EPB41L2: variants seen among roughly 807,000 people sequenced by gnomAD.
EPB41L2 encodes erythrocyte membrane protein band 4.1 like 2.
In EPB41L2, 43 loss-of-function variants were observed where a neutral mutation model predicts 113.0. The ratio of observed to expected loss-of-function variants is 0.38; its 90% CI spans 0.30 to 0.49. The LOEUF is 0.49. Ranked by LOEUF, EPB41L2 falls within the 20% of genes least tolerant of loss-of-function variation. The probability of loss-of-function intolerance (pLI) is 0.95; values close to 1 mark genes in which losing one functional copy is unlikely to be tolerated. For synonymous variants in EPB41L2, 442 were observed against 436.7 expected, an observed-to-expected ratio of 1.01 and a Z score of -0.15; for missense variants, 1,147 against 1,223.4, an observed-to-expected ratio of 0.94 and a Z score of 0.93.
chr6:131,028,696 A>T (rs7742376), intron 1 of EPB41L2, among the ~76,000 whole-genome samples: 1 of 151,956 alleles, frequency 6.6e-6, no homozygotes, highest in Non-Finnish European at 1.5e-5. Context: ...TATCGCATAA[A>T]ACCAGTTTCA....
At chr6:130,893,972 A>G (rs1793777831) in intron 10 of EPB41L2, among the ~76,000 whole-genome samples, 1 of 152,158 alleles carries the variant, frequency 6.6e-6, no homozygotes, top group Non-Finnish European at 1.5e-5. Flanking sequence ...TAGAGTCAGA[A>G]AGTGGAGCTC....
intron 12 of EPB41L2, among the ~76,000 whole-genome samples, chr6:130,884,863 T>C (rs1329246541): frequency 6.6e-6 from 1 of 152,150 alleles, no homozygotes; most frequent in Admixed American, 6.5e-5. Context: ...ATGAGGACAG[T>C]CAAAAAGGCC....
chr6:131,019,563 G>A (rs1788989702), intron 1 of EPB41L2, among the ~76,000 whole-genome samples: 1 of 152,140 alleles, frequency 6.6e-6, no homozygotes, highest in Non-Finnish European at 1.5e-5. Context: ...TAGCATGGTA[G>A]AGAATTATAC....
At chr6:130,894,169 ACC>A (rs1793849520) in intron 10 of EPB41L2, among the ~76,000 whole-genome samples, 173 bp downstream of exon 10, 2 of 152,140 alleles carry the variant, frequency 1.3e-5, no homozygotes, top group African/African-American at 2.4e-5. Context: ...TAAAAGCAAT[ACC>A]AAGCTGTTTT....
In EPB41L2 at chr6:130,890,413, T is replaced by G. The variant is rs1238722029; in HGVS notation, c.1541A>C (p.Lys514Thr). ...TTGGGTGCGGCCACTATAGCGAAAT[T>G]TGGACCCCAAGGTCAGGAACTTGGC... is the stretch of plus-strand genomic sequence containing the variant. ...PKAKFLTLGS[K>T]FRYSGRTQAQ... The change falls in exon 11 of 20, where the codon AAA becomes ACA. Residue 514 changes from lysine to threonine, a missense_variant. Physicochemically the swap from Lys to Thr is moderately conservative, Grantham distance 78 (BLOSUM62 -1). Coordinates refer to ENST00000337057, the MANE Select transcript of EPB41L2 (RefSeq NM_001431.4). 2 of 1,613,132 alleles carry G rather than the reference T, an allele frequency of 1.2e-6. No homozygotes were observed. The highest frequency in any genetic ancestry group is 2.2e-5 in the South Asian group (2 of 91,022).
intron 3 of EPB41L2, among the ~76,000 whole-genome samples, chr6:130,934,093 T>C (rs965787348): frequency 2.0e-5 from 3 of 152,002 alleles, no homozygotes. Context: ...AACTGATACA[T>C]TGTTGGGGGA....
At chr6:130,860,718 T>C (rs1213344516) in intron 18 of EPB41L2, among the ~76,000 whole-genome samples, 2 of 152,040 alleles carry the variant, frequency 1.3e-5, no homozygotes, top group East Asian at 3.9e-4. Context: ...CTATTTTTAG[T>C]AGAGACGGGG....
chr6:130,934,126 C>T (rs973517315), intron 3 of EPB41L2, among the ~76,000 whole-genome samples: 1 of 152,120 alleles, frequency 6.6e-6, no homozygotes, highest in African/African-American at 2.4e-5. Context: ...TCCAATAAAA[C>T]CATACGGAAG....
chr6:130,999,245 C>A (rs1783815840), intron 1 of EPB41L2, among the ~76,000 whole-genome samples: 1 of 152,174 alleles, frequency 6.6e-6, no homozygotes, highest in Non-Finnish European at 1.5e-5. Context: ...ATGCGCCCAT[C>A]TTATCCACCT....
intron 1 of EPB41L2, among the ~76,000 whole-genome samples, chr6:130,961,587 C>T (rs1025371984): frequency 1.3e-5 from 2 of 152,216 alleles, no homozygotes; most frequent in Non-Finnish European, 2.9e-5. Context: ...AGCAGATACA[C>T]AACCTCACAA....
intron 3 of EPB41L2, among the ~76,000 whole-genome samples, chr6:130,941,225 CCT>C (rs1279219086): frequency 6.6e-6 from 1 of 151,996 alleles, no homozygotes; most frequent in Non-Finnish European, 1.5e-5. Flanking sequence ...GACTAGCAAC[CCT>C]GTCATTAATT....
chr6:131,031,881 C>T (rs1792227234), intron 1 of EPB41L2, among the ~76,000 whole-genome samples: 1 of 152,078 alleles, frequency 6.6e-6, no homozygotes, highest in African/African-American at 2.4e-5. Flanking sequence ...ATAATATTTT[C>T]CTCTTTAAAT....
At chr6:130,934,267 T>C (rs1008901844) in intron 3 of EPB41L2, among the ~76,000 whole-genome samples, 12 of 152,144 alleles carry the variant, frequency 7.9e-5, no homozygotes, top group Non-Finnish European at 1.3e-4. Context: ...CCTGGTCAAT[T>C]TTGTGTGTGT....
intron 1 of EPB41L2, among the ~76,000 whole-genome samples, chr6:130,979,717 AAG>A (rs1778960892): frequency 6.6e-6 from 1 of 152,160 alleles, no homozygotes; most frequent in African/African-American, 2.4e-5. Context: ...TGAAGTTAGA[AAG>A]AGACTTCCAA....
chr6:130,945,398 C>T (rs1489317948), intron 3 of EPB41L2, among the ~76,000 whole-genome samples: 5 of 152,192 alleles, frequency 3.3e-5, no homozygotes, highest in African/African-American at 1.2e-4. Context: ...ATCAACAGAA[C>T]ACTGATGAAG....
intron 12 of EPB41L2, among the ~76,000 whole-genome samples, chr6:130,884,167 T>C (rs1341392294): frequency 2.6e-5 from 4 of 151,926 alleles, no homozygotes; most frequent in Non-Finnish European, 5.9e-5. Flanking sequence ...AAACCCCGTC[T>C]CTCTAAAAAT....
At chr6:130,878,522 G>A in intron 13 of EPB41L2, 1 of 309,892 alleles carries the variant, frequency 3.2e-6, no homozygotes, top group South Asian at 4.9e-5. Flanking sequence ...GATTTTTAAA[G>A]GAATAATTAT....
intron 4 of EPB41L2, among the ~76,000 whole-genome samples, chr6:130,912,191 G>T (rs1326551823): frequency 6.6e-6 from 1 of 152,162 alleles, no homozygotes; most frequent in African/African-American, 2.4e-5. Flanking sequence ...TGGAAAAATT[G>T]TCTTCCACAA....
chr6:130,908,325 A>G (rs1798329225), intron 5 of EPB41L2, among the ~76,000 whole-genome samples: 1 of 152,212 alleles, frequency 6.6e-6, no homozygotes, highest in Non-Finnish European at 1.5e-5. Context: ...ACCAATGAGC[A>G]GAGATGGCAG....
Sources: gnomAD v4.1 joint callset for allele counts (sites outside exome capture counted in the v4.1 genomes callset) on GRCh38, gnomAD v4.1.1 for gene constraint, MANE v1.5 for transcripts, NCBI Gene and HGNC (gene_info 2026-07-23, HGNC 2026-07-21) for gene names.